Variants in DIS3L2 observed in about 807,000 individuals in gnomAD.
The protein encoded by DIS3L2 is DIS3 like 3'-5' exoribonuclease 2.
Under a neutral mutation model 97.5 loss-of-function variants are expected in DIS3L2, and 34 were observed. The observed-to-expected ratio is 0.35, with a 90% CI of 0.27 to 0.46. The LOEUF (loss-of-function observed/expected upper bound fraction) is 0.46. Among genes scored for constraint, DIS3L2 ranks in the 20% least tolerant of loss-of-function variants. The pLI is 1.00. For synonymous variants in DIS3L2, 435 were observed against 445.2 expected, an observed-to-expected ratio of 0.98 and a Z score of 0.29; for missense variants, 1,038 against 1,146.0, an observed-to-expected ratio of 0.91 and a Z score of 1.36.
Position 232,263,208 on chromosome 2 carries a change from T to G in DIS3L2, c.1427T>G (p.Ile476Ser), listed in dbSNP as rs1410689147. ...VIWTLTPEGK[I>S]LDEWFGRTII... ...CTTGTAATCTGTCCATCTTTGCAGA[T>G]CCTTGATGAATGGTTTGGCCGGACC... Residue 476 changes from isoleucine to serine, a missense_variant and splice_region_variant, in exon 13 of 21, where the codon ATC becomes AGC. Coordinates refer to ENST00000325385, the MANE Select transcript of DIS3L2 (RefSeq NM_152383.5). 1 of 1,614,118 alleles carries G rather than the reference T, an allele frequency of 6.2e-7. No individual in the cohort carries two copies. The highest frequency in any genetic ancestry group is 8.5e-7 in the Non-Finnish European group (1 of 1,179,956).
intron 14 of DIS3L2, among the ~76,000 whole-genome samples, chr2:232,306,479 A>G (rs1244258911): frequency 6.6e-6 from 1 of 152,166 alleles, no homozygotes; most frequent in Non-Finnish European, 1.5e-5. Context: ...CACTTCAAGC[A>G]TCTGAGAATT....
rs1695709880 is a variant in DIS3L2, at chr2:232,330,706, C to T, written c.1940C>T (p.Thr647Ile). ...AGALNKSLTQ[T>I]FGDDKYSLAR... Reference sequence around the variant, plus strand: ...TGCTTCTAGAAAAGCCTGACCCAAACATTTGGAGATGACAAGTACTCACTG... The same window carrying T: ...TGCTTCTAGAAAAGCCTGACCCAAATATTTGGAGATGACAAGTACTCACTG... Residue 647 changes from threonine to isoleucine, a missense_variant, in exon 16 of 21, where the codon ACA (threonine) becomes ATA (isoleucine). Coordinates refer to ENST00000325385, the MANE Select transcript of DIS3L2 (RefSeq NM_152383.5). 1 of 1,614,004 alleles carries T rather than the reference C, an allele frequency of 6.2e-7. No individual in the cohort carries two copies. Among genetic ancestry groups the T allele is most frequent in the Non-Finnish European group, 8.5e-7 (1 of 1,180,024 alleles).
chr2:232,055,368 A>G (rs1559579567), intron 5 of DIS3L2, among the ~76,000 whole-genome samples: 1 of 152,226 alleles, frequency 6.6e-6, no homozygotes, highest in Non-Finnish European at 1.5e-5. Context: ...TACAAAAATT[A>G]TTTGCATTTC....
chr2:232,205,832 A>G (rs1376027663), intron 9 of DIS3L2, among the ~76,000 whole-genome samples: 2 of 152,196 alleles, frequency 1.3e-5, no homozygotes, highest in African/African-American at 4.8e-5. Flanking sequence ...TAAAAAGGGA[A>G]GCCATCAAGG....
At chr2:232,335,895 C>G (rs1199857706) in intron 20 of DIS3L2, 21 bp downstream of exon 20, 3 of 1,549,848 alleles carry the variant, frequency 1.9e-6, no homozygotes, top group Non-Finnish European at 1.7e-6. Flanking sequence ...CTCTGTGTCC[C>G]AGCCCCCTAA....
intron 1 of DIS3L2, among the ~76,000 whole-genome samples, chr2:231,993,858 T>C (rs1188956124): frequency 6.6e-6 from 1 of 152,034 alleles, no homozygotes; most frequent in African/African-American, 2.4e-5. Flanking sequence ...TTCATCTATG[T>C]CAATGACAGG....
chr2:232,046,289 T>A (rs1047992049), intron 5 of DIS3L2, among the ~76,000 whole-genome samples: 23 of 152,148 alleles, frequency 1.5e-4, no homozygotes, highest in Non-Finnish European at 1.0e-4. Context: ...GGTTTTCCTT[T>A]TGGGGTAATT....
chr2:232,336,667 C>T lies in DIS3L2; in HGVS notation c.*37C>T. 1 of 1,552,802 alleles carries T rather than the reference C, an allele frequency of 6.4e-7. No individual in the cohort carries two copies. Among genetic ancestry groups the T allele is most frequent in the Non-Finnish European group, 8.7e-7 (1 of 1,152,774 alleles). ...CGCCTGCCCCGCCTGCCCCGCCTGC[C>T]TGTCCCGCCACACTGGCTTTAGGAC... On this transcript the variant is annotated 3_prime_UTR_variant, in exon 21 of 21. Transcript: ENST00000325385.
At chr2:232,228,308 A>G (rs1435554510) in intron 10 of DIS3L2, among the ~76,000 whole-genome samples, 2 of 152,206 alleles carry the variant, frequency 1.3e-5, no homozygotes, top group African/African-American at 4.8e-5. Flanking sequence ...GAATGAAAAT[A>G]TGCTACAATT....
chr2:232,203,954 A>G (rs1295626927), intron 9 of DIS3L2, among the ~76,000 whole-genome samples: 4 of 152,222 alleles, frequency 2.6e-5, no homozygotes, highest in Admixed American at 2.6e-4. Flanking sequence ...CACGAGGGAC[A>G]TAGCGGGAGC....
intron 5 of DIS3L2, among the ~76,000 whole-genome samples, chr2:232,074,984 A>G (rs1038358382): frequency 6.6e-6 from 1 of 152,218 alleles, no homozygotes; most frequent in African/African-American, 2.4e-5. Flanking sequence ...AAACATTCAC[A>G]GAAGAGCTGG....
chr2:231,993,228 T>C (rs962773043), intron 1 of DIS3L2, among the ~76,000 whole-genome samples: 2 of 152,130 alleles, frequency 1.3e-5, no homozygotes, highest in African/African-American at 2.4e-5. Context: ...CTAGAAAATA[T>C]GAAGTTATCT....
At chr2:232,047,367 A>G (rs1695270668) in intron 5 of DIS3L2, among the ~76,000 whole-genome samples, 1 of 152,242 alleles carries the variant, frequency 6.6e-6, no homozygotes. Context: ...AAATGTAAAG[A>G]AAAGCAGTCT....
intron 1 of DIS3L2, among the ~76,000 whole-genome samples, chr2:232,000,903 C>T (rs1428502598): frequency 1.3e-5 from 2 of 150,966 alleles, no homozygotes; most frequent in Non-Finnish European, 3.0e-5. Flanking sequence ...TTTGTTAAAC[C>T]GAATGGTATT....
chr2:232,030,568 T>A (rs540644867), intron 5 of DIS3L2, among the ~76,000 whole-genome samples: 1 of 152,338 alleles, frequency 6.6e-6, no homozygotes, highest in African/African-American at 2.4e-5. Context: ...TTTTTATAAA[T>A]CAGGGATTTA....
intron 5 of DIS3L2, among the ~76,000 whole-genome samples, chr2:232,082,056 C>G (rs1357695222): frequency 6.6e-6 from 1 of 152,214 alleles, no homozygotes. Flanking sequence ...TCCCAAAGTG[C>G]TGGGATTGCA....
intron 6 of DIS3L2, among the ~76,000 whole-genome samples, chr2:232,113,677 C>G (rs1467596665): frequency 6.6e-6 from 1 of 152,214 alleles, no homozygotes; most frequent in African/African-American, 2.4e-5. Context: ...GCTGACCTAA[C>G]CAACTCCATC....
At chr2:232,255,979 A>G (rs1411726912) in intron 12 of DIS3L2, among the ~76,000 whole-genome samples, 2 of 152,074 alleles carry the variant, frequency 1.3e-5, no homozygotes, top group Non-Finnish European at 2.9e-5. Context: ...CGTCCAAGCT[A>G]TTCTCTCTCA....
chr2:232,062,767 TCTTCCTTCCTGC>T (rs1559587374), intron 5 of DIS3L2, among the ~76,000 whole-genome samples: 1 of 151,990 alleles, frequency 6.6e-6, no homozygotes, highest in Non-Finnish European at 1.5e-5. Context: ...TTCCCTCCTT[TCTTCCTTCCTGC>T]CTTCCTATCA....
Sources: allele counts gnomAD v4.1 joint callset (sites outside exome capture counted in the v4.1 genomes callset), GRCh38; gene constraint gnomAD v4.1.1; transcripts MANE v1.5; gene names NCBI Gene and HGNC (gene_info 2026-07-23, HGNC 2026-07-21).